The following HTR2A variants were observed in gnomAD, a reference collection of about 807,000 sequenced individuals.
HTR2A encodes 5-HT2 receptor.
HTR2A carries 14 observed loss-of-function variants against 31.0 expected under a neutral mutation model. The ratio of observed to expected loss-of-function variants is 0.45; its 90% confidence interval spans 0.30 to 0.71. The LOEUF (loss-of-function observed/expected upper bound fraction) is 0.71, where lower values mean the gene tolerates loss of function less well. Among genes scored for constraint, HTR2A ranks in the 30% least tolerant of loss-of-function variants. HTR2A has a pLI of 0.09. For missense variants in HTR2A, 442 were observed against 573.3 expected, an observed-to-expected ratio of 0.77 and a Z score of 2.34; for synonymous variants, 209 against 225.2, an observed-to-expected ratio of 0.93 and a Z score of 0.64.
rs1200445832 is a variant in HTR2A, at chr13:46,863,647, A to AG, written c.614-28009_614-28008insC. 3.1e-3 allele frequency among the ~76,000 whole-genome samples: 337 copies of AG among 109,540 alleles called. 5 individuals carry two copies. The highest frequency in any genetic ancestry group is 0.012 in the South Asian group (31 of 2,670). 71.9% of individuals were successfully genotyped at this position (109,540 alleles called of 152,430 possible). On this transcript the variant is annotated intron_variant, in intron 3 of 3. Coordinates refer to ENST00000542664, the MANE Select transcript of HTR2A (RefSeq NM_000621.5). ...CTCAAAATGAAAAAAAAAAAAAAAAAAAGAAAAAAAAAAAAGACAGTCATA... is the reference window on the plus strand; with the variant it reads ...CTCAAAATGAAAAAAAAAAAAAAAAAGAAGAAAAAAAAAAAAGACAGTCATA...
Position 46,892,399 on chromosome 13 carries a change from T to C in HTR2A, c.604A>G (p.Ile202Val). The part of the protein sequence containing the change: ...AFLKIIAVWT[I>V]SVGISMPIPV... ...ATATGTTGCCACTTACCTACTGATA[T>C]GGTCCAAACAGCAATGATTTTCAGA... The change falls in exon 3 of 4, where the codon ATA becomes GTA. Residue 202 changes from isoleucine to valine, a missense_variant. Transcript: ENST00000542664. The C allele has an allele frequency of 1.2e-6, 2 of 1,614,098 alleles. No individual in the cohort carries two copies. The highest frequency in any genetic ancestry group is 8.5e-7 in the Non-Finnish European group (1 of 1,179,914).
chr13:46,837,986 C>T (rs1345604079), intron 3 of HTR2A, among the ~76,000 whole-genome samples: 2 of 152,204 alleles, frequency 1.3e-5, no homozygotes, highest in African/African-American at 4.8e-5. Flanking sequence ...CTGTTCCTGG[C>T]CCATTGTTTG....
chr13:46,884,891 A>G (rs971478953), intron 3 of HTR2A, among the ~76,000 whole-genome samples: 1 of 152,112 alleles, frequency 6.6e-6, no homozygotes. Context: ...ATGAGCTCAC[A>G]CCATGCATAC....
At chr13:46,835,915 AATATT>A (rs1239924711) in intron 3 of HTR2A, among the ~76,000 whole-genome samples, 1 of 152,014 alleles carries the variant, frequency 6.6e-6, no homozygotes, top group Non-Finnish European at 1.5e-5. Flanking sequence ...TTCTGATTAT[AATATT>A]ATACTTATTA....
At chr13:46,881,253 G>A (rs993871794) in intron 3 of HTR2A, among the ~76,000 whole-genome samples, 1 of 152,214 alleles carries the variant, frequency 6.6e-6, no homozygotes, top group African/African-American at 2.4e-5. Flanking sequence ...GAGAAGGGGT[G>A]GGCCAAGTGG....
In HTR2A at chr13:46,892,428, G is replaced by A; in HGVS notation, c.575C>T (p.Ala192Val). ...CCAAACAGCAATGATTTTCAGAAAT[G>A]CCTTAGTTCTGGAGTTGAAGCGGCT... Reference protein sequence around the residue: ...HHSRFNSRTKAFLKIIAVWTI... With the variant: ...HHSRFNSRTKVFLKIIAVWTI... Residue 192 changes from alanine (A) to valine (V), a missense_variant, in exon 3 of 4, where the codon GCA becomes GTA. This residue lies in a region of HTR2A where 86 missense variants were observed against 179.1 expected (regional missense o/e 0.48). Transcript: ENST00000542664. 6.2e-7 allele frequency: 1 copy of A among 1,614,238 alleles called. No individual in the cohort carries two copies. The highest frequency in any genetic ancestry group is 8.5e-7 in the Non-Finnish European group (1 of 1,180,042).
chr13:46,882,392 A>G (rs1201381471), intron 3 of HTR2A, among the ~76,000 whole-genome samples: 1 of 152,224 alleles, frequency 6.6e-6, no homozygotes, highest in African/African-American at 2.4e-5. Flanking sequence ...TCTATGGGGA[A>G]ACAAATGATG....
chr13:46,870,685 TTACTC>T (rs1400914660), intron 3 of HTR2A, among the ~76,000 whole-genome samples: 3 of 152,178 alleles, frequency 2.0e-5, no homozygotes, highest in East Asian at 1.9e-4. Context: ...TAGCTTCTCT[TTACTC>T]TAGAGTTGTA....
chr13:46,848,068 T>C (rs1950656841), intron 3 of HTR2A, among the ~76,000 whole-genome samples: 1 of 152,206 alleles, frequency 6.6e-6, no homozygotes, highest in Non-Finnish European at 1.5e-5. Context: ...AAGCCCAAGA[T>C]GAAGACCTTT....
chr13:46,842,063 A>G (rs947481662), intron 3 of HTR2A, among the ~76,000 whole-genome samples: 2 of 152,186 alleles, frequency 1.3e-5, no homozygotes, highest in Admixed American at 6.5e-5. Context: ...AAAATATCAC[A>G]TTTGTACGTC....
chr13:46,840,633 C>T (rs1950590664), intron 3 of HTR2A, among the ~76,000 whole-genome samples: 2 of 152,072 alleles, frequency 1.3e-5, no homozygotes, highest in African/African-American at 4.8e-5. Flanking sequence ...AAAATCAAGA[C>T]CTCTACTCAG....
intron 3 of HTR2A, among the ~76,000 whole-genome samples, chr13:46,869,332 G>T (rs573412819): frequency 4.0e-4 from 61 of 152,254 alleles, no homozygotes; most frequent in African/African-American, 1.4e-3. Flanking sequence ...CATATGAAAT[G>T]ATCAACGTCA....
intron 3 of HTR2A, among the ~76,000 whole-genome samples, chr13:46,852,612 G>A (rs921747323): frequency 6.6e-6 from 1 of 152,308 alleles, no homozygotes; most frequent in Non-Finnish European, 1.5e-5. Flanking sequence ...TATGAGGAGC[G>A]GCATTGCATG....
chr13:46,836,586 T>C (rs1009804906), intron 3 of HTR2A, among the ~76,000 whole-genome samples: 16 of 152,298 alleles, frequency 1.1e-4, no homozygotes, highest in Middle Eastern at 3.4e-3. Flanking sequence ...TTATGGGACA[T>C]TTTTAACATA....
intron 3 of HTR2A, among the ~76,000 whole-genome samples, chr13:46,865,673 A>G (rs1050915787): frequency 2.6e-5 from 4 of 152,230 alleles, no homozygotes; most frequent in African/African-American, 7.2e-5. Flanking sequence ...GGTGTGACAG[A>G]GCAGTTGAAT....
intron 3 of HTR2A, among the ~76,000 whole-genome samples, chr13:46,842,458 A>C (rs1205412627): frequency 2.0e-5 from 3 of 152,174 alleles, no homozygotes; most frequent in Non-Finnish European, 2.9e-5. Flanking sequence ...GGGGAGAAAC[A>C]GCCATGGTGT....
chr13:46,844,230 A>T (rs1204304168), intron 3 of HTR2A, among the ~76,000 whole-genome samples: 1 of 152,174 alleles, frequency 6.6e-6, no homozygotes, highest in Non-Finnish European at 1.5e-5. Context: ...TTATACTTAG[A>T]GCTTAGTAAA....
At chr13:46,884,353 T>C (rs1197560082) in intron 3 of HTR2A, among the ~76,000 whole-genome samples, 1 of 152,236 alleles carries the variant, frequency 6.6e-6, no homozygotes, top group Non-Finnish European at 1.5e-5. Flanking sequence ...TGGAAACAAC[T>C]GTAGTCTCAA....
intron 3 of HTR2A, among the ~76,000 whole-genome samples, chr13:46,876,350 T>C (rs1045763596): frequency 1.3e-5 from 2 of 150,032 alleles, no homozygotes; most frequent in South Asian, 4.2e-4. Context: ...CTTCATTCAA[T>C]TGTAAGGCAT....
Sources: allele counts gnomAD v4.1 joint callset (sites outside exome capture counted in the v4.1 genomes callset), GRCh38; gene constraint gnomAD v4.1.1; regional missense constraint gnomAD v4.1.1; transcripts MANE v1.5; gene names NCBI Gene and HGNC (gene_info 2026-07-23, HGNC 2026-07-21).